The following GPC5 variants were observed in gnomAD, a reference collection of about 807,000 sequenced individuals.
The protein encoded by GPC5 is glypican-5.
Under a neutral mutation model 53.9 loss-of-function variants are expected in GPC5, and 47 were observed. The observed-to-expected ratio is 0.87, with a 90% CI of 0.69 to 1.11. The LOEUF is 1.11. GPC5 is among the 50% of genes most tolerant of loss of function. The pLI is 0.00. For missense variants in GPC5, 748 were observed against 713.1 expected (o/e 1.05, Z -0.56); for synonymous variants, 286 against 263.3 (o/e 1.09, Z -0.84).
At chr13:92,365,525 T>G (rs960531716) in intron 7 of GPC5, among the ~76,000 whole-genome samples, 1 of 151,830 alleles carries the variant, frequency 6.6e-6, no homozygotes. Flanking sequence ...CTTTCTAAAC[T>G]TTTAATTTTT....
At chr13:92,274,674 G>A (rs1296547759) in intron 7 of GPC5, among the ~76,000 whole-genome samples, 2 of 152,136 alleles carry the variant, frequency 1.3e-5, no homozygotes, top group Admixed American at 6.6e-5. Context: ...AAGGATCCAT[G>A]TATAAGCTCA....
At chr13:91,601,752 G>A (rs980792982) in intron 2 of GPC5, among the ~76,000 whole-genome samples, 9 of 151,996 alleles carry the variant, frequency 5.9e-5, no homozygotes, top group African/African-American at 2.2e-4. Context: ...ACAAGCTCAG[G>A]GCTCCCACTG....
chr13:92,430,521 A>G (rs1051715681), intron 7 of GPC5, among the ~76,000 whole-genome samples: 1 of 152,134 alleles, frequency 6.6e-6, no homozygotes, highest in African/African-American at 2.4e-5. Flanking sequence ...TGAAACAGAC[A>G]TATCTGAGCC....
chr13:91,794,951 A>G (rs1427798419), intron 5 of GPC5, among the ~76,000 whole-genome samples: 1 of 152,186 alleles, frequency 6.6e-6, no homozygotes, highest in Non-Finnish European at 1.5e-5. Context: ...GAATGCATGT[A>G]AGCATAAAGG....
At chr13:92,318,058 G>T (rs1012687590) in intron 7 of GPC5, among the ~76,000 whole-genome samples, 2 of 152,094 alleles carry the variant, frequency 1.3e-5, no homozygotes, top group Non-Finnish European at 2.9e-5. Context: ...TGCCTCATTT[G>T]CCTGATAGAA....
chr13:92,083,959 C>T (rs2041316577), intron 6 of GPC5, among the ~76,000 whole-genome samples: 1 of 152,184 alleles, frequency 6.6e-6, no homozygotes. Flanking sequence ...GGAATGAGAT[C>T]ATGTCCTTTG....
At chr13:92,732,148 C>T (rs1888825055) in intron 7 of GPC5, among the ~76,000 whole-genome samples, 1 of 151,372 alleles carries the variant, frequency 6.6e-6, no homozygotes, top group African/African-American at 2.4e-5. Flanking sequence ...AGAAAAAGAA[C>T]AGGTATTCCT....
intron 2 of GPC5, among the ~76,000 whole-genome samples, chr13:91,574,733 C>T (rs2032071278): frequency 6.6e-6 from 1 of 151,942 alleles, no homozygotes; most frequent in African/African-American, 2.4e-5. Context: ...GGGATTTTTC[C>T]CTAAAACATG....
chr13:92,256,544 C>G (rs1233908619), intron 7 of GPC5, among the ~76,000 whole-genome samples: 2 of 151,984 alleles, frequency 1.3e-5, no homozygotes, highest in Non-Finnish European at 1.5e-5. Context: ...TTTTTGTACT[C>G]TTTTCTTTTT....
At chr13:91,909,215 C>T (rs568202661) in intron 6 of GPC5, among the ~76,000 whole-genome samples, 63 of 152,352 alleles carry the variant, frequency 4.1e-4, no homozygotes, top group South Asian at 3.5e-3. Context: ...GGTATCATGA[C>T]TACCGATGAG....
chr13:91,539,633 C>A (rs2029867018), intron 2 of GPC5, among the ~76,000 whole-genome samples: 1 of 152,030 alleles, frequency 6.6e-6, no homozygotes, highest in Non-Finnish European at 1.5e-5. Context: ...GTGGGGTCAG[C>A]TGAGCTAATG....
chr13:92,197,528 C>T (rs922456940), intron 7 of GPC5, among the ~76,000 whole-genome samples: 3 of 152,194 alleles, frequency 2.0e-5, no homozygotes, highest in Middle Eastern at 3.4e-3. Context: ...GACAGGGTCT[C>T]GCTTTTTCTC....
chr13:92,194,920 GAA>G (rs895390081), intron 7 of GPC5, among the ~76,000 whole-genome samples: 6 of 152,222 alleles, frequency 3.9e-5, no homozygotes, highest in Admixed American at 2.0e-4. Flanking sequence ...CTTTTATCAG[GAA>G]AAAATAAGGT....
chr13:91,964,751 A>G (rs992521346), intron 6 of GPC5, among the ~76,000 whole-genome samples: 15 of 152,300 alleles, frequency 9.8e-5, no homozygotes, highest in African/African-American at 3.6e-4. Flanking sequence ...CCAAAGGATT[A>G]TAAATCATGC....
chr13:92,040,381 C>T (rs1345028189), intron 6 of GPC5, among the ~76,000 whole-genome samples: 2 of 152,196 alleles, frequency 1.3e-5, no homozygotes, highest in Non-Finnish European at 2.9e-5. Flanking sequence ...CTAACCAGGG[C>T]AGGTTCCCAC....
At chr13:92,521,921 A>G (rs1881066165) in intron 7 of GPC5, among the ~76,000 whole-genome samples, 1 of 152,154 alleles carries the variant, frequency 6.6e-6, no homozygotes, top group Non-Finnish European at 1.5e-5. Context: ...GAACTCAAAC[A>G]AATTTACAAG....
chr13:91,913,313 C>T (rs779266359), intron 6 of GPC5, among the ~76,000 whole-genome samples: 29 of 151,360 alleles, frequency 1.9e-4, no homozygotes, highest in Admixed American at 5.3e-4. Flanking sequence ...GCAGAAGAAT[C>T]GCTTGAACCC....
At chr13:91,917,582 C>G (rs1028091535) in intron 6 of GPC5, among the ~76,000 whole-genome samples, 2 of 152,202 alleles carry the variant, frequency 1.3e-5, no homozygotes, top group Admixed American at 1.3e-4. Flanking sequence ...CCCTTCTGCA[C>G]TTTTCTGCTC....
intron 7 of GPC5, among the ~76,000 whole-genome samples, chr13:92,515,458 A>G (rs531633653): frequency 3.3e-4 from 51 of 152,318 alleles, no homozygotes; most frequent in Admixed American, 2.2e-3. Context: ...TGACACCAGT[A>G]TGGTATGAAG....
Sources: allele counts gnomAD v4.1 joint callset (sites outside exome capture counted in the v4.1 genomes callset), GRCh38; gene constraint gnomAD v4.1.1; transcripts MANE v1.5; gene names NCBI Gene and HGNC (gene_info 2026-07-23, HGNC 2026-07-21).